Variants in DHTKD1 observed in about 807,000 individuals in gnomAD.
The protein encoded by DHTKD1 is 2-oxoadipate dehydrogenase complex component E1.
DHTKD1 carries 78 observed loss-of-function variants against 101.8 expected under a neutral mutation model. The observed-to-expected ratio is 0.77, with a 90% CI of 0.64 to 0.93. The LOEUF (loss-of-function observed/expected upper bound fraction) is 0.93. Ranked by LOEUF, DHTKD1 falls within the 40% of genes least tolerant of loss-of-function variation. The pLI is 0.00. For missense variants in DHTKD1, 1,223 were observed against 1,161.7 expected, an observed-to-expected ratio of 1.05 and a Z score of -0.77; for synonymous variants, 462 against 450.3, an observed-to-expected ratio of 1.03 and a Z score of -0.33.
intron 1 of DHTKD1, among the ~76,000 whole-genome samples, chr10:12,070,373 C>A (rs989397186): frequency 3.3e-5 from 5 of 152,026 alleles, no homozygotes; most frequent in African/African-American, 1.2e-4. Flanking sequence ...GTTGAAGATC[C>A]CCTTCGGCAT....
At position 12,087,448 on chromosome 10, in the gene DHTKD1, A is replaced by G. The variant is rs191060153; in HGVS notation, c.523-87A>G. 8.5e-7 allele frequency: 1 copy of G among 1,176,980 alleles called. No homozygotes were observed. The highest frequency in any genetic ancestry group is 2.4e-5 in the East Asian group (1 of 41,584). 72.9% of individuals were successfully genotyped at this position (1,176,980 alleles called of 1,614,324 possible). A position where few individuals can be genotyped will look rare whatever the true frequency, so the allele number is the denominator to read the frequency against. The stretch of plus-strand genomic sequence containing the variant: ...GTGGCCACTTGGGGAGTGTGGGGCC[A>G]TCTCACAACACACACAGACTTATCT... On this transcript the variant is annotated intron_variant, in intron 3 of 16. Coordinates refer to ENST00000263035, the MANE Select transcript of DHTKD1 (RefSeq NM_018706.7). The surrounding 1 kb of genome is among the most constrained non-coding windows in gnomAD (Gnocchi z 5.2).
chr10:12,088,463 T>A (rs1442146889), intron 4 of DHTKD1, among the ~76,000 whole-genome samples: 3 of 150,294 alleles, frequency 2.0e-5, no homozygotes, highest in Non-Finnish European at 4.4e-5. Flanking sequence ...CAGAGCCAGA[T>A]CCTGTCTTAA....
At chr10:12,083,999 T>G (rs1297444393) in intron 2 of DHTKD1, among the ~76,000 whole-genome samples, 1 of 151,290 alleles carries the variant, frequency 6.6e-6, no homozygotes, top group East Asian at 2.0e-4. Context: ...CTCGGCTCAC[T>G]GCAACCTCTG....
In DHTKD1 at chr10:12,104,782, G is replaced by T. The variant is rs998361330; in HGVS notation, c.1897-1464G>T. ...CCCCCTACTGTGTATTTCCACAAAT[G>T]GGGGGACATCCTTCTCCATCATAAC... is the stretch of plus-strand genomic sequence containing the variant. On this transcript the variant is annotated intron_variant, in intron 10 of 16. Transcript: ENST00000263035. Among the ~76,000 whole-genome samples the T allele has an allele frequency of 2.6e-5, 4 of 152,224 alleles. No homozygotes were observed. The East Asian group carries it at 7.7e-4, about 29-fold the overall frequency.
At chr10:12,106,987 C>T (rs72779652) in intron 11 of DHTKD1, among the ~76,000 whole-genome samples, 10,585 of 141,576 alleles carry the variant, frequency 0.075, 455 homozygotes, top group Non-Finnish European at 0.11. Flanking sequence ...TTTTTCTTTT[C>T]TTTTTTTTTT....
chr10:12,119,021 C>A, intron 15 of DHTKD1, 103 bp downstream of exon 15: 5 of 1,239,322 alleles, frequency 4.0e-6, no homozygotes, highest in Non-Finnish European at 5.4e-6. Flanking sequence ...AAAATTGAAT[C>A]TTGGGCCGGG....
At position 12,087,505 on chromosome 10, in the gene DHTKD1, G is replaced by C; in HGVS notation, c.523-30G>C. On this transcript the variant is annotated intron_variant, in intron 3 of 16. Coordinates refer to ENST00000263035, the MANE Select transcript of DHTKD1 (RefSeq NM_018706.7). This position sits in a 1 kb window ranked among gnomAD's most constrained non-coding sequence, Gnocchi z 5.2. ...CACTGGAGAAGCTGGCTGTCTCCTG[G>C]CAGCTCACGTCTGACATGATGTTCT... The C allele has an allele frequency of 6.5e-7, 1 of 1,544,992 alleles. No homozygotes were observed.
chr10:12,104,758 C>T (rs1327606266), intron 10 of DHTKD1, among the ~76,000 whole-genome samples: 2 of 152,118 alleles, frequency 1.3e-5, no homozygotes, highest in Non-Finnish European at 2.9e-5. Flanking sequence ...ATCCTGGTGC[C>T]CCCTACTGTG....
chr10:12,068,977 C>T lies in DHTKD1; in HGVS notation c.-57C>T, dbSNP rs1218209504. ...CTGACGAGTCCCGGATTTACCAGGG[C>T]CGGTGGGATCCCCTCGGGCTCCCGC... On this transcript the variant is annotated 5_prime_UTR_variant, in exon 1 of 17. Transcript: ENST00000263035. The T allele has an allele frequency of 3.8e-6, 6 of 1,599,194 alleles. No homozygotes were observed. Among genetic ancestry groups the T allele is most frequent in the African/African-American group, 2.7e-5 (2 of 74,332 alleles).
intron 5 of DHTKD1, 40 bp from the exon 6 acceptor site, chr10:12,091,469 ATGTT>A (rs920425171): frequency 2.4e-6 from 3 of 1,235,752 alleles, no homozygotes; most frequent in Non-Finnish European, 3.3e-6. Flanking sequence ...TTAATCCCTT[ATGTT>A]TCTTTTCTCC....
rs930639142 is a variant in DHTKD1 at position 12,107,504 on chromosome 10, A to G, written c.2048-405A>G. Among the ~76,000 whole-genome samples, 34 of 150,398 alleles carry G rather than the reference A, an allele frequency of 2.3e-4. No homozygotes were observed. The highest frequency in any genetic ancestry group is 7.6e-4 in the African/African-American group (31 of 40,784). The stretch of plus-strand genomic sequence containing the variant: ...ATGATCTCAGGACACTGCAACCTCT[A>G]TCTCCCGGGGTCAAGTGATTCTCCC... On this transcript the variant is annotated intron_variant, in intron 11 of 16. Transcript: ENST00000263035. The surrounding 1 kb of genome is among the most constrained non-coding windows in gnomAD (Gnocchi z 4.1).
At chr10:12,076,975 T>TAAAAAA (rs61096299) in intron 1 of DHTKD1, among the ~76,000 whole-genome samples, 20 of 61,708 alleles carry the variant, frequency 3.2e-4, no homozygotes, top group Non-Finnish European at 6.6e-4. Flanking sequence ...CTGTTTCTGA[T>TAAAAAA]AAAAAAAAAA....
chr10:12,112,271 T>A (rs1833344888), intron 12 of DHTKD1, among the ~76,000 whole-genome samples: 1 of 152,082 alleles, frequency 6.6e-6, no homozygotes, highest in African/African-American at 2.4e-5. Flanking sequence ...GCTATGATCA[T>A]GCCACTGAAC....
At chr10:12,105,255 G>A in intron 10 of DHTKD1, among the ~76,000 whole-genome samples, 1 of 152,060 alleles carries the variant, frequency 6.6e-6, no homozygotes, top group East Asian at 1.9e-4. Context: ...TACGATGTTA[G>A]AATAATGATT....
chr10:12,090,128 C>A (rs907215042), intron 5 of DHTKD1, among the ~76,000 whole-genome samples: 4 of 152,156 alleles, frequency 2.6e-5, no homozygotes, highest in Non-Finnish European at 5.9e-5. Context: ...GGTCATGTTT[C>A]TTCTGTGAGT....
At chr10:12,097,406 G>T (rs1833086033) in intron 7 of DHTKD1, among the ~76,000 whole-genome samples, 1 of 152,094 alleles carries the variant, frequency 6.6e-6, no homozygotes, top group South Asian at 2.1e-4. Flanking sequence ...CTGAGTAGCT[G>T]GGATTACAGG....
chr10:12,120,408 A>T, intron 16 of DHTKD1, 141 bp downstream of exon 16: 2 of 682,508 alleles, frequency 2.9e-6, no homozygotes. Flanking sequence ...ATCTCAGCTC[A>T]CTGCAAGCTC....
At chr10:12,083,928 A>T (rs897983701) in intron 2 of DHTKD1, among the ~76,000 whole-genome samples, 2 of 151,554 alleles carry the variant, frequency 1.3e-5, no homozygotes, top group Non-Finnish European at 2.9e-5. Flanking sequence ...TTATTTATTT[A>T]TTTATTTATT....
Position 12,106,276 on chromosome 10 carries a change from G to A in DHTKD1, c.1927G>A (p.Val643Ile), listed in dbSNP as rs371749570. The A allele has an allele frequency of 2.0e-5, 32 of 1,613,986 alleles. No homozygotes were observed. The highest frequency in any genetic ancestry group is 8.0e-5 in the African/African-American group (6 of 74,916). ...CAACAGCCCACTGTCAGAAGAGGCC[G>A]TCCTGGGATTTGAATATGGGATGAG... ...VSNSPLSEEA[V>I]LGFEYGMSIE... Residue 643 changes from valine to isoleucine, a missense_variant, in exon 11 of 17, where the codon GTC becomes ATC. Coordinates refer to ENST00000263035, the MANE Select transcript of DHTKD1 (RefSeq NM_018706.7).
Sources: gnomAD v4.1 joint callset for allele counts (sites outside exome capture counted in the v4.1 genomes callset) on GRCh38, gnomAD v4.1.1 for gene constraint, Gnocchi (gnomAD v3.1) non-coding constraint, MANE v1.5 for transcripts, NCBI Gene and HGNC (gene_info 2026-07-23, HGNC 2026-07-21) for gene names.